Variants in PCDHA8 observed in about 807,000 individuals in gnomAD.
The protein encoded by PCDHA8 is protocadherin alpha-8.
In PCDHA8, 53 loss-of-function variants were observed where a neutral mutation model predicts 61.8. The ratio of observed to expected loss-of-function variants is 0.86; its 90% CI spans 0.69 to 1.08. The LOEUF is 1.08. Among genes scored for constraint, PCDHA8 ranks in the 50% least tolerant of loss-of-function variants. The probability of loss-of-function intolerance (pLI) is 0.00; values close to 1 mark genes in which losing one functional copy is unlikely to be tolerated. For missense variants in PCDHA8, 1,293 were observed against 1,245.0 expected, an observed-to-expected ratio of 1.04 and a Z score of -0.58; for synonymous variants, 618 against 556.6, an observed-to-expected ratio of 1.11 and a Z score of -1.55.
chr5:140,875,586 G>T, intron 1 of PCDHA8: 1 of 1,614,024 alleles, frequency 6.2e-7, no homozygotes, highest in South Asian at 1.1e-5. Flanking sequence ...TCTACGAGGA[G>T]GCCAAACACG....
At chr5:140,999,877 G>C (rs1194481133) in intron 3 of PCDHA8, among the ~76,000 whole-genome samples, 1 of 152,152 alleles carries the variant, frequency 6.6e-6, no homozygotes, top group Non-Finnish European at 1.5e-5. Flanking sequence ...CTGAAAATTA[G>C]CCCAGCTGTA....
Position 140,841,417 on chromosome 5 carries a change from C to T in PCDHA8, c.96C>T (p.His32=), listed in dbSNP as rs1242106171. 2 of 1,612,932 alleles carry T rather than the reference C, an allele frequency of 1.2e-6. No homozygotes were observed. Among genetic ancestry groups the T allele is most frequent in the African/African-American group, 1.3e-5 (1 of 74,850 alleles). The stretch of plus-strand genomic sequence containing the variant: ...GGAAGGTGGGGAGCGGCCAGCTCCA[C>T]TACTCCGTCCCCGAGGAGGCCAAAC... The part of the protein sequence containing the change: ...AAWKVGSGQL[H]YSVPEEAKHG... The change falls in exon 1 of 4, where the codon CAC becomes CAT. Residue 32 remains histidine (H), a synonymous_variant. Coordinates refer to ENST00000531613, the MANE Select transcript of PCDHA8 (RefSeq NM_018911.3).
intron 1 of PCDHA8, chr5:140,884,234 G>T (rs375170723): frequency 3.7e-6 from 6 of 1,613,500 alleles, no homozygotes; most frequent in Non-Finnish European, 4.2e-6. Context: ...GGACCACGGT[G>T]AGCCCGCGCT....
At chr5:140,951,448 G>A (rs892144078) in intron 1 of PCDHA8, among the ~76,000 whole-genome samples, 74 of 152,022 alleles carry the variant, frequency 4.9e-4, no homozygotes, top group African/African-American at 1.7e-3. Context: ...GCATGATGCC[G>A]GCCATCTGCT....
At chr5:140,986,081 A>AT (rs2097186605) in intron 3 of PCDHA8, among the ~76,000 whole-genome samples, 1 of 152,010 alleles carries the variant, frequency 6.6e-6, no homozygotes, top group South Asian at 2.1e-4. Context: ...CTGTTCATTT[A>AT]TTTTCACAGT....
At chr5:140,870,524 TCA>T (rs782755570) in intron 1 of PCDHA8, 1 of 1,614,194 alleles carries the variant, frequency 6.2e-7, no homozygotes, top group Non-Finnish European at 8.5e-7. Context: ...TGCCACATCT[TCA>T]CAGTGTCGGC....
At chr5:140,993,621 A>G (rs531527051) in intron 3 of PCDHA8, among the ~76,000 whole-genome samples, 7 of 152,190 alleles carry the variant, frequency 4.6e-5, no homozygotes, top group African/African-American at 1.7e-4. Flanking sequence ...GGGACCCTCT[A>G]TATATAGTCG....
At chr5:140,859,421 T>A in intron 1 of PCDHA8, 1 of 232,516 alleles carries the variant, frequency 4.3e-6, no homozygotes, top group Non-Finnish European at 8.1e-6. Flanking sequence ...TGATATAGAC[T>A]CAGAAATGAA....
chr5:140,876,194 C>G (rs782432614), intron 1 of PCDHA8: 38 of 1,613,742 alleles, frequency 2.4e-5, no homozygotes, highest in Non-Finnish European at 2.9e-5. Context: ...AATGGTCCGG[C>G]GTTTGATAAG....
chr5:140,893,866 C>T (rs915926825), intron 1 of PCDHA8, among the ~76,000 whole-genome samples: 5 of 152,102 alleles, frequency 3.3e-5, no homozygotes, highest in African/African-American at 1.2e-4. Context: ...TAGAAACAAC[C>T]CAGATCCAAA....
chr5:140,934,373 T>G (rs1414749100), intron 1 of PCDHA8, among the ~76,000 whole-genome samples: 1 of 152,182 alleles, frequency 6.6e-6, no homozygotes, highest in African/African-American at 2.4e-5. Flanking sequence ...TGACTCCTTC[T>G]GTGGTTCTAT....
chr5:140,845,456 CTGATATT>C (rs1779887189), intron 1 of PCDHA8, among the ~76,000 whole-genome samples: 2 of 149,562 alleles, frequency 1.3e-5, no homozygotes, highest in Admixed American at 1.3e-4. Context: ...CTTCAACTCT[CTGATATT>C]TGAATTTGGG....
intron 1 of PCDHA8, among the ~76,000 whole-genome samples, chr5:140,902,203 C>CTT (rs148688132): frequency 1.7e-4 from 21 of 124,438 alleles, no homozygotes; most frequent in East Asian, 4.4e-4. Context: ...CTCTCTCTTT[C>CTT]TTTTTTTTTT....
At chr5:140,986,163 G>A (rs1186387690) in intron 3 of PCDHA8, among the ~76,000 whole-genome samples, 1 of 152,212 alleles carries the variant, frequency 6.6e-6, no homozygotes, top group African/African-American at 2.4e-5. Flanking sequence ...AATGTTTTCT[G>A]CAGGATAAAC....
At chr5:140,981,191 G>A (rs2096922052) in intron 2 of PCDHA8, among the ~76,000 whole-genome samples, 2 of 152,178 alleles carry the variant, frequency 1.3e-5, no homozygotes, top group South Asian at 4.1e-4. Context: ...AAGTTTGCCT[G>A]CTCTGTTGCC....
intron 3 of PCDHA8, among the ~76,000 whole-genome samples, chr5:141,009,358 C>G (rs993815936): frequency 8.5e-5 from 13 of 152,116 alleles, no homozygotes; most frequent in Admixed American, 6.6e-5. Flanking sequence ...ACTTGGGAGG[C>G]TAAGATGGGA....
Position 141,009,922 on chromosome 5 carries a change from C to G in PCDHA8, c.2838C>G (p.Asp946Glu), listed in dbSNP as rs1554262572. 6.2e-7 allele frequency: 1 copy of G among 1,608,774 alleles called. No individual in the cohort carries two copies. Among genetic ancestry groups the G allele is most frequent in the South Asian group, 1.1e-5 (1 of 90,050 alleles). The change falls in exon 4 of 4, where the codon GAC becomes GAG. Residue 946 changes from aspartate to glutamate, a missense_variant. Coordinates refer to ENST00000531613, the MANE Select transcript of PCDHA8 (RefSeq NM_018911.3). ...AAGAGAAAGGGAACAGCACGACTGACAACAGTGACCAGTGAGGTCCTCAAA... is the reference window on the plus strand; with the variant it reads ...AAGAGAAAGGGAACAGCACGACTGAGAACAGTGACCAGTGAGGTCCTCAAA... ...EKKEKGNSTT[D>E]NSDQ
chr5:140,944,857 A>G (rs1288221644), intron 1 of PCDHA8, among the ~76,000 whole-genome samples: 1 of 152,078 alleles, frequency 6.6e-6, no homozygotes, highest in Non-Finnish European at 1.5e-5. Context: ...AATCATCCTT[A>G]TTTATCTTAA....
chr5:140,904,235 T>A (rs147535141), intron 1 of PCDHA8, among the ~76,000 whole-genome samples: 1,856 of 152,070 alleles, frequency 0.012, 44 homozygotes, highest in African/African-American at 0.042. Flanking sequence ...TACTTATGCC[T>A]TTGCATCCTC....
Sources: allele counts gnomAD v4.1 joint callset (sites outside exome capture counted in the v4.1 genomes callset), GRCh38; gene constraint gnomAD v4.1.1; transcripts MANE v1.5; gene names NCBI Gene and HGNC (gene_info 2026-07-23, HGNC 2026-07-21).